The following LEMD3 variants were observed in gnomAD, a reference collection of about 807,000 sequenced individuals.
The protein encoded by LEMD3 is LEM domain containing 3.
Under a neutral mutation model 95.2 loss-of-function variants are expected in LEMD3, and 33 were observed. The ratio of observed to expected loss-of-function variants is 0.35; its 90% CI spans 0.26 to 0.46. The LOEUF (loss-of-function observed/expected upper bound fraction) is 0.46, where lower values mean the gene tolerates loss of function less well. Among genes scored for constraint, LEMD3 ranks in the 20% least tolerant of loss-of-function variants. The pLI is 1.00. For synonymous variants in LEMD3, 525 were observed against 474.6 expected (o/e 1.11, Z -1.38); for missense variants, 1,210 against 1,192.8 (o/e 1.01, Z -0.21).
intron 1 of LEMD3, among the ~76,000 whole-genome samples, chr12:65,176,305 A>G (rs1868717887): frequency 6.6e-6 from 1 of 152,182 alleles, no homozygotes; most frequent in Non-Finnish European, 1.5e-5. Flanking sequence ...TATCACACTT[A>G]CTTTCTAGAA....
chr12:65,211,349 T>A (rs1335880379), intron 2 of LEMD3, among the ~76,000 whole-genome samples: 1 of 152,208 alleles, frequency 6.6e-6, no homozygotes, highest in African/African-American at 2.4e-5. Flanking sequence ...CGTTTTGCCC[T>A]CATTTTACCT....
chr12:65,212,591 G>A (rs1478210577), intron 2 of LEMD3, among the ~76,000 whole-genome samples: 3 of 151,302 alleles, frequency 2.0e-5, no homozygotes, highest in African/African-American at 7.3e-5. Flanking sequence ...GGATTGAGGA[G>A]GGAAATATTT....
intron 4 of LEMD3, among the ~76,000 whole-genome samples, chr12:65,224,848 C>T (rs1055008217): frequency 1.3e-5 from 2 of 152,046 alleles, no homozygotes; most frequent in African/African-American, 4.8e-5. Context: ...TCTTTCTTCT[C>T]TTTCTGAAAC....
intron 1 of LEMD3, among the ~76,000 whole-genome samples, chr12:65,204,972 T>C (rs1450795975): frequency 6.6e-6 from 1 of 152,084 alleles, no homozygotes; most frequent in Non-Finnish European, 1.5e-5. Flanking sequence ...CAAGACTGGG[T>C]AATTTATAAA....
intron 2 of LEMD3, among the ~76,000 whole-genome samples, chr12:65,213,256 AT>A (rs1869999677): frequency 6.6e-6 from 1 of 152,098 alleles, no homozygotes; most frequent in South Asian, 2.1e-4. Flanking sequence ...ACAAGGTCTC[AT>A]TTTTATCACC....
At chr12:65,245,157 G>A (rs1335754913) in intron 10 of LEMD3, 1 of 146,794 alleles carries the variant, frequency 6.8e-6, no homozygotes, top group Non-Finnish European at 1.5e-5. Context: ...TTGAGACGGA[G>A]TCTCACTCTG....
At chr12:65,197,802 G>T (rs1166539973) in intron 1 of LEMD3, among the ~76,000 whole-genome samples, 1 of 151,972 alleles carries the variant, frequency 6.6e-6, no homozygotes, top group Non-Finnish European at 1.5e-5. Context: ...TCAGACCTCT[G>T]CTCTTTATTC....
chr12:65,233,313 G>A (rs77934852), intron 4 of LEMD3, among the ~76,000 whole-genome samples: 22 of 152,242 alleles, frequency 1.4e-4, no homozygotes, highest in Non-Finnish European at 3.1e-4. Context: ...GCTATTAAGG[G>A]TTAGGATCTG....
At chr12:65,205,314 C>A (rs879149911) in intron 1 of LEMD3, among the ~76,000 whole-genome samples, 2 of 152,100 alleles carry the variant, frequency 1.3e-5, no homozygotes, top group Admixed American at 1.3e-4. Context: ...TTTCTGCCCC[C>A]CTCAAGAATC....
intron 12 of LEMD3, 44 bp from the exon 13 acceptor site, chr12:65,246,118 A>G: frequency 6.8e-7 from 1 of 1,480,142 alleles, no homozygotes; most frequent in Non-Finnish European, 9.4e-7. Context: ...TGCAAATATT[A>G]AACAGTTTTA....
chr12:65,245,493 G>T, intron 10 of LEMD3, 176 bp from the exon 11 acceptor site: 1 of 604,798 alleles, frequency 1.7e-6, no homozygotes, highest in Non-Finnish European at 2.9e-6. Flanking sequence ...CTTCTGAATT[G>T]TAATTTTTAA....
chr12:65,230,543 T>C (rs1342823019), intron 4 of LEMD3, among the ~76,000 whole-genome samples: 1 of 152,160 alleles, frequency 6.6e-6, no homozygotes, highest in Non-Finnish European at 1.5e-5. Flanking sequence ...GTAGAACTGC[T>C]TTCTTAATTT....
intron 1 of LEMD3, among the ~76,000 whole-genome samples, chr12:65,184,692 C>A (rs1029622038): frequency 2.6e-5 from 4 of 152,064 alleles, no homozygotes; most frequent in Non-Finnish European, 4.4e-5. Context: ...GGCAAATAAA[C>A]GTTTTATGCT....
At chr12:65,244,649 T>G (rs1040281504) in intron 10 of LEMD3, among the ~76,000 whole-genome samples, 2 of 152,146 alleles carry the variant, frequency 1.3e-5, no homozygotes, top group African/African-American at 4.8e-5. Context: ...TCATTACAAT[T>G]AAAGAAAATA....
At chr12:65,227,906 G>GT (rs1039201548) in intron 4 of LEMD3, among the ~76,000 whole-genome samples, 11 of 151,808 alleles carry the variant, frequency 7.2e-5, no homozygotes, top group Admixed American at 2.0e-4. Flanking sequence ...ATAATCATCT[G>GT]TTTTTTTCCC....
chr12:65,224,168 G>C (rs1458353975), intron 4 of LEMD3, among the ~76,000 whole-genome samples: 1 of 151,936 alleles, frequency 6.6e-6, no homozygotes, highest in Non-Finnish European at 1.5e-5. Flanking sequence ...ACAGTATTCT[G>C]ATTTTGTCTA....
At chr12:65,203,902 A>G (rs939181616) in intron 1 of LEMD3, among the ~76,000 whole-genome samples, 6 of 152,148 alleles carry the variant, frequency 3.9e-5, no homozygotes, top group African/African-American at 1.4e-4. Context: ...TGTCACTGAT[A>G]ACTTTTCTTG....
chr12:65,210,028 T>C (rs1010806784), intron 1 of LEMD3, among the ~76,000 whole-genome samples: 1 of 151,934 alleles, frequency 6.6e-6, no homozygotes, highest in Non-Finnish European at 1.5e-5. Flanking sequence ...GTATGTAATA[T>C]CAAAATAAAC....
At chr12:65,176,809 G>A (rs1244535592) in intron 1 of LEMD3, among the ~76,000 whole-genome samples, 1 of 152,182 alleles carries the variant, frequency 6.6e-6, no homozygotes. Flanking sequence ...AAATCTCTTA[G>A]TAGATGGAAG....
Sources: gnomAD v4.1 joint callset for allele counts (sites outside exome capture counted in the v4.1 genomes callset) on GRCh38, gnomAD v4.1.1 for gene constraint, MANE v1.5 for transcripts, NCBI Gene and HGNC (gene_info 2026-07-23, HGNC 2026-07-21) for gene names.